The following PDE7B variants were observed in gnomAD, a reference collection of about 807,000 sequenced individuals.
PDE7B encodes phosphodiesterase 7B.
PDE7B carries 29 observed loss-of-function variants against 56.2 expected under a neutral mutation model. The ratio of observed to expected loss-of-function variants is 0.52; its 90% CI spans 0.38 to 0.70. The LOEUF is 0.70. Among genes scored for constraint, PDE7B ranks in the 30% least tolerant of loss-of-function variants. The pLI is 0.00. For synonymous variants in PDE7B, 197 were observed against 196.9 expected (o/e 1.00, Z 0.00); for missense variants, 490 against 565.0 (o/e 0.87, Z 1.35).
intron 2 of PDE7B, among the ~76,000 whole-genome samples, chr6:136,010,376 C>T (rs1446881448): frequency 6.6e-6 from 1 of 150,824 alleles, no homozygotes; most frequent in African/African-American, 2.4e-5. Flanking sequence ...GGATGTCATC[C>T]CATTATTCCC....
At chr6:135,967,775 C>T (rs868164009) in intron 2 of PDE7B, among the ~76,000 whole-genome samples, 4 of 152,098 alleles carry the variant, frequency 2.6e-5, no homozygotes, top group African/African-American at 7.2e-5. Context: ...AGCTCATGGC[C>T]GAATGAATAC....
intron 2 of PDE7B, among the ~76,000 whole-genome samples, chr6:136,033,590 C>T (rs1409930425): frequency 6.6e-6 from 1 of 152,146 alleles, no homozygotes; most frequent in East Asian, 1.9e-4. Context: ...CTACTTCGCC[C>T]CACCTGTCTT....
intron 2 of PDE7B, among the ~76,000 whole-genome samples, chr6:136,092,230 T>C (rs1327870889): frequency 6.6e-6 from 1 of 152,244 alleles, no homozygotes; most frequent in Non-Finnish European, 1.5e-5. Flanking sequence ...GTAATAGTTT[T>C]TCAGTTCCAA....
At chr6:135,958,187 G>A (rs1210229584) in intron 2 of PDE7B, among the ~76,000 whole-genome samples, 2 of 152,156 alleles carry the variant, frequency 1.3e-5, no homozygotes, top group Admixed American at 6.5e-5. Context: ...AGCCTAGATC[G>A]CGCCACTGCA....
In PDE7B at chr6:135,949,828, T is replaced by G. The variant is rs560047680; in HGVS notation, c.82+2304T>G. ...AGGAATAACAAGTATACATTTTACC[T>G]TTAAGATAGACAGTAAATAATTAAT... On this transcript the variant is annotated intron_variant, in intron 2 of 12. Coordinates refer to ENST00000308191, the MANE Select transcript of PDE7B (RefSeq NM_018945.4). 1.2e-4 allele frequency among the ~76,000 whole-genome samples: 18 copies of G among 152,252 alleles called. No individual in the cohort carries two copies. The East Asian group carries it at 3.3e-3, about 28-fold the overall frequency.
intron 2 of PDE7B, among the ~76,000 whole-genome samples, chr6:136,108,477 A>G (rs777085458): frequency 6.6e-6 from 1 of 152,158 alleles, no homozygotes; most frequent in Non-Finnish European, 1.5e-5. Context: ...TTTTATGGAA[A>G]TTTGTAAGTT....
chr6:135,935,854 C>G (rs1248035839), intron 1 of PDE7B, among the ~76,000 whole-genome samples: 1 of 152,194 alleles, frequency 6.6e-6, no homozygotes, highest in African/African-American at 2.4e-5. Context: ...AAGGAAATTT[C>G]CTTTCTGAGG....
chr6:136,111,759 T>C (rs116740308), intron 3 of PDE7B, among the ~76,000 whole-genome samples: 273 of 152,320 alleles, frequency 1.8e-3, no homozygotes, highest in African/African-American at 6.3e-3. Context: ...ACTTTTCTTT[T>C]TACCAGCTCA....
chr6:136,157,787 A>G (rs1186825129), intron 8 of PDE7B, among the ~76,000 whole-genome samples: 4 of 152,202 alleles, frequency 2.6e-5, no homozygotes, highest in Non-Finnish European at 5.9e-5. Flanking sequence ...AATAGCTGAG[A>G]TGAAAAGAGG....
chr6:135,964,175 C>T lies in PDE7B; in HGVS notation c.82+16651C>T, dbSNP rs915762483. 8.6e-5 allele frequency among the ~76,000 whole-genome samples: 13 copies of T among 152,020 alleles called. No individual in the cohort carries two copies. The South Asian group carries it at 2.7e-3, about 32-fold the overall frequency. ...GCTGGAGTCAGTGGTGCAATCTCGG[C>T]TCATTGCGACCTCCGCCACGAGGGT... On this transcript the variant is annotated intron_variant, in intron 2 of 12. Transcript: ENST00000308191.
chr6:136,084,226 C>T (rs1777251853), intron 2 of PDE7B, among the ~76,000 whole-genome samples: 1 of 152,202 alleles, frequency 6.6e-6, no homozygotes, highest in South Asian at 2.1e-4. Flanking sequence ...TCCCAATTCG[C>T]TAAAGTTAGA....
Position 135,948,561 on chromosome 6 carries a change from G to A in PDE7B, c.82+1037G>A, listed in dbSNP as rs368832110. ...TAACAAATAATCAAAGGTGGTACAC[G>A]ACTTAAGAAACAAACAAAAACCAGA... On this transcript the variant is annotated intron_variant, in intron 2 of 12. Transcript: ENST00000308191. Among the ~76,000 whole-genome samples the A allele has an allele frequency of 1.1e-4, 17 of 151,890 alleles. 1 individual carries two copies. Among genetic ancestry groups the A allele is most frequent in the Admixed American group, 5.2e-4 (8 of 15,242 alleles).
intron 2 of PDE7B, among the ~76,000 whole-genome samples, chr6:136,088,224 G>A (rs1053607355): frequency 1.6e-4 from 25 of 152,166 alleles, no homozygotes; most frequent in Admixed American, 5.9e-4. Context: ...ACTCAGCACA[G>A]GAAATAAAGA....
chr6:135,897,263 G>GGTGTGTGT (rs3037814), intron 1 of PDE7B, among the ~76,000 whole-genome samples: 19 of 150,016 alleles, frequency 1.3e-4, no homozygotes, highest in African/African-American at 3.9e-4. Flanking sequence ...ATTGTGTCAG[G>GGTGTGTGT]GTGTGTGTGT....
intron 1 of PDE7B, among the ~76,000 whole-genome samples, chr6:135,945,819 C>T (rs927373038): frequency 1.3e-5 from 2 of 152,118 alleles, no homozygotes; most frequent in South Asian, 2.1e-4. Flanking sequence ...CAGTCTGCTA[C>T]CAAATGGCCT....
At chr6:135,955,712 A>G (rs943335053) in intron 2 of PDE7B, among the ~76,000 whole-genome samples, 1 of 152,090 alleles carries the variant, frequency 6.6e-6, no homozygotes, top group Non-Finnish European at 1.5e-5. Context: ...AGTGGTATCT[A>G]TCAGGTGAGA....
rs1388765885 is a variant in PDE7B at position 135,981,996 on chromosome 6, T to C, written c.82+34472T>C. On this transcript the variant is annotated intron_variant, in intron 2 of 12. Coordinates refer to ENST00000308191, the MANE Select transcript of PDE7B (RefSeq NM_018945.4). ...ATGGTTACAATGACTATGAAGTCACTAGACGATAGGAACTTTTCAGCTCTA... is the reference window on the plus strand; with the variant it reads ...ATGGTTACAATGACTATGAAGTCACCAGACGATAGGAACTTTTCAGCTCTA... Among the ~76,000 whole-genome samples, 3 of 152,244 alleles carry C rather than the reference T, an allele frequency of 2.0e-5. No homozygotes were observed. In the East Asian group the frequency reaches 5.8e-4, roughly 30 times the overall value.
chr6:135,992,335 G>A (rs943448773), intron 2 of PDE7B, among the ~76,000 whole-genome samples: 1 of 152,128 alleles, frequency 6.6e-6, no homozygotes, highest in African/African-American at 2.4e-5. Flanking sequence ...GGACTAGCTT[G>A]TTCTAGATAT....
At chr6:136,086,735 T>C (rs1777298797) in intron 2 of PDE7B, among the ~76,000 whole-genome samples, 1 of 152,232 alleles carries the variant, frequency 6.6e-6, no homozygotes, top group African/African-American at 2.4e-5. Context: ...GGATTAATGA[T>C]GCAGACATTT....
Sources: allele counts gnomAD v4.1 joint callset (sites outside exome capture counted in the v4.1 genomes callset), GRCh38; gene constraint gnomAD v4.1.1; transcripts MANE v1.5; gene names NCBI Gene and HGNC (gene_info 2026-07-23, HGNC 2026-07-21).